Variants in PSD3 observed in about 807,000 individuals in gnomAD.
PSD3 encodes the protein pleckstrin and Sec7 domain containing 3.
PSD3 carries 49 observed loss-of-function variants against 105.5 expected under a neutral mutation model. The ratio of observed to expected loss-of-function variants is 0.46; its 90% CI spans 0.37 to 0.59. The LOEUF (loss-of-function observed/expected upper bound fraction) is 0.59. Among genes scored for constraint, PSD3 ranks in the 20% least tolerant of loss-of-function variants. The pLI is 0.00. For synonymous variants in PSD3, 557 were observed against 457.8 expected (o/e 1.22, Z -2.77); for missense variants, 1,561 against 1,263.8 (o/e 1.24, Z -3.57).
intron 1 of PSD3, among the ~76,000 whole-genome samples, chr8:18,995,286 A>C (rs1047671544): frequency 6.6e-6 from 1 of 152,132 alleles, no homozygotes; most frequent in African/African-American, 2.4e-5. Context: ...CATAATGCAA[A>C]TGAAACTTGG....
At chr8:18,572,967 G>A (rs979453608) in intron 13 of PSD3, among the ~76,000 whole-genome samples, 2 of 152,132 alleles carry the variant, frequency 1.3e-5, no homozygotes, top group South Asian at 4.1e-4. Flanking sequence ...TTGATACGAG[G>A]CTAGGCCAAA....
At chr8:18,766,192 G>A (rs1028920140) in intron 8 of PSD3, among the ~76,000 whole-genome samples, 16 of 151,828 alleles carry the variant, frequency 1.1e-4, no homozygotes, top group African/African-American at 3.9e-4. Flanking sequence ...AATTTAGCCA[G>A]GCGTGGTGGC....
intron 8 of PSD3, among the ~76,000 whole-genome samples, chr8:18,769,425 G>T (rs1244494764): frequency 6.6e-6 from 1 of 152,092 alleles, no homozygotes; most frequent in African/African-American, 2.4e-5. Context: ...TTAAAAAAGT[G>T]TGTTAATTTT....
chr8:18,684,957 A>G (rs193231051), intron 9 of PSD3, among the ~76,000 whole-genome samples: 1 of 152,352 alleles, frequency 6.6e-6, no homozygotes, highest in Admixed American at 6.5e-5. Flanking sequence ...AGTTTTGAGC[A>G]TACTACTCAG....
intron 4 of PSD3, among the ~76,000 whole-genome samples, chr8:18,859,391 G>A (rs953348739): frequency 6.6e-6 from 1 of 152,130 alleles, no homozygotes; most frequent in Non-Finnish European, 1.5e-5. Flanking sequence ...GTAGGATTTT[G>A]AGAAGGGAAA....
Position 18,763,192 on chromosome 8 carries a change from C to T in PSD3, c.2172+2257G>A, listed in dbSNP as rs74524798. ...TAATCTAAAAGTATCAAGGTCAATA[C>T]GTAACAATAAAAGCCTCAGTTTATG... On this transcript the variant is annotated intron_variant, in intron 9 of 15. Coordinates refer to ENST00000327040, the MANE Select transcript of PSD3 (RefSeq NM_015310.4). Among the ~76,000 whole-genome samples, 597 of 152,246 alleles carry T rather than the reference C, an allele frequency of 3.9e-3. 9 individuals are homozygous for T. Among genetic ancestry groups the T allele is most frequent in the African/African-American group, 0.013 (549 of 41,560 alleles).
upstream of PSD3, among the ~76,000 whole-genome samples, chr8:19,016,929 A>G (rs1224242302): frequency 1.3e-5 from 2 of 152,132 alleles, no homozygotes; most frequent in Non-Finnish European, 2.9e-5. Context: ...TTATGACCCA[A>G]TCACCTCTTA....
At chr8:19,035,650 GT>G (rs1200873619) in intron 1 of PSD3, among the ~76,000 whole-genome samples, 5 of 151,032 alleles carry the variant, frequency 3.3e-5, no homozygotes, top group East Asian at 2.0e-4. Context: ...CCAAAGTTAC[GT>G]TTTTTTTGGC....
Position 18,959,164 on chromosome 8 carries a change from G to A in PSD3, c.22-23022C>T, listed in dbSNP as rs576812776. On this transcript the variant is annotated intron_variant, in intron 1 of 15. Transcript: ENST00000327040. ...TCAAACTCCTGACCTCAAGTGACCC[G>A]CCCGACTCGGCCTCCCAAAGTGCTG... Among the ~76,000 whole-genome samples, 17 of 152,176 alleles carry A rather than the reference G, an allele frequency of 1.1e-4. No individual in the cohort carries two copies. In the East Asian group the frequency reaches 1.5e-3, roughly 14 times the overall value.
intron 8 of PSD3, among the ~76,000 whole-genome samples, chr8:18,789,056 T>C (rs942624433): frequency 1.6e-4 from 24 of 152,194 alleles, no homozygotes; most frequent in Non-Finnish European, 3.1e-4. Context: ...ATATCTGATA[T>C]GTCACTGGGA....
At chr8:18,900,553 G>T (rs1186904721) in intron 2 of PSD3, among the ~76,000 whole-genome samples, 1 of 151,684 alleles carries the variant, frequency 6.6e-6, no homozygotes, top group East Asian at 1.9e-4. Flanking sequence ...CATCACTAGT[G>T]GTACTTTGTA....
rs367906478 is a variant in PSD3, at chr8:18,823,075, G to A, written c.1635-18177C>T. On this transcript the variant is annotated intron_variant, in intron 4 of 15. Coordinates refer to ENST00000327040, the MANE Select transcript of PSD3 (RefSeq NM_015310.4). ...TTAATCTGGTTTTATAAAGAAGGAGGAAAAGGGAGAATGGAGAGACAGGAA... is the reference window on the plus strand; with the variant it reads ...TTAATCTGGTTTTATAAAGAAGGAGAAAAAGGGAGAATGGAGAGACAGGAA... Among the ~76,000 whole-genome samples the A allele has an allele frequency of 8.4e-4, 117 of 139,672 alleles. 2 individuals are homozygous for A. The South Asian group carries it at 0.028, about 34-fold the overall frequency. 91.6% of individuals were successfully genotyped at this position (139,672 alleles called of 152,430 possible). A position where few individuals can be genotyped will look rare whatever the true frequency, so the allele number is the denominator to read the frequency against.
intron 1 of PSD3, among the ~76,000 whole-genome samples, chr8:19,031,894 T>C (rs912259876): frequency 6.6e-6 from 1 of 152,198 alleles, no homozygotes; most frequent in Non-Finnish European, 1.5e-5. Context: ...TTTTAAAGAC[T>C]CTTCCTGATA....
In PSD3 at chr8:18,971,586, T is replaced by G. The variant is rs553343180; in HGVS notation, c.22-35444A>C. On this transcript the variant is annotated intron_variant, in intron 1 of 15. Coordinates refer to ENST00000327040, the MANE Select transcript of PSD3 (RefSeq NM_015310.4). ...GCCCCCGGGCTTCAGCACAAGGAGT[T>G]TGAGTCCCGCCTCACATCTGCCTTT... is the stretch of plus-strand genomic sequence containing the variant. 3.9e-5 allele frequency among the ~76,000 whole-genome samples: 6 copies of G among 152,258 alleles called. No homozygotes were observed. In the East Asian group the frequency reaches 1.2e-3, roughly 29 times the overall value.
At chr8:18,652,015 G>A (rs1041514441) in intron 10 of PSD3, among the ~76,000 whole-genome samples, 1 of 152,186 alleles carries the variant, frequency 6.6e-6, no homozygotes, top group African/African-American at 2.4e-5. Flanking sequence ...CAGGAGTGAA[G>A]AGGAAAGATG....
chr8:18,687,682 C>A (rs28516079), intron 9 of PSD3, among the ~76,000 whole-genome samples: 1 of 152,020 alleles, frequency 6.6e-6, no homozygotes, highest in African/African-American at 2.4e-5. Context: ...TGTGTGTCCA[C>A]GTGCGTGTGT....
rs185358893 is a variant in PSD3, at chr8:18,753,140, A to G, written c.2172+12309T>C. 5.3e-5 allele frequency among the ~76,000 whole-genome samples: 8 copies of G among 152,160 alleles called. No individual in the cohort carries two copies. In the East Asian group the frequency reaches 1.4e-3, roughly 26 times the overall value. On this transcript the variant is annotated intron_variant, in intron 9 of 15. Coordinates refer to ENST00000327040, the MANE Select transcript of PSD3 (RefSeq NM_015310.4). ...GGGAAGCCGAGGCAGGTGGATCACG[A>G]GGTCAGGAGCTTGAGACCAGCCTGG... is the stretch of plus-strand genomic sequence containing the variant.
intron 11 of PSD3, among the ~76,000 whole-genome samples, chr8:18,603,001 G>A (rs545267655): frequency 6.6e-6 from 1 of 152,324 alleles, no homozygotes; most frequent in East Asian, 1.9e-4. Context: ...AGAGTGAAAA[G>A]ATTACTGACA....
At chr8:18,743,959 TCACCAC>T (rs111311023) in intron 9 of PSD3, among the ~76,000 whole-genome samples, 97,991 of 138,728 alleles carry the variant, frequency 0.71, 37,007 homozygotes, top group Non-Finnish European at 0.85. Context: ...ACTCTGTCTC[TCACCAC>T]CACCACCACC....
Sources: allele counts gnomAD v4.1 joint callset (sites outside exome capture counted in the v4.1 genomes callset), GRCh38; gene constraint gnomAD v4.1.1; transcripts MANE v1.5; gene names NCBI Gene and HGNC (gene_info 2026-07-23, HGNC 2026-07-21).